Variants in TASP1 observed in about 807,000 individuals in gnomAD.
The protein encoded by TASP1 is threonine aspartase 1.
TASP1 carries 16 observed loss-of-function variants against 56.6 expected under a neutral mutation model. The ratio of observed to expected loss-of-function variants is 0.28; its 90% CI spans 0.19 to 0.43. The LOEUF is 0.43. TASP1 is among the 20% of genes least tolerant of loss of function. The pLI is 1.00. For missense variants in TASP1, 393 were observed against 511.6 expected, an observed-to-expected ratio of 0.77 and a Z score of 2.24; for synonymous variants, 179 against 184.2, an observed-to-expected ratio of 0.97 and a Z score of 0.23.
chr20:13,389,290 T>C (rs908937071), downstream of TASP1: 8 of 152,334 alleles, frequency 5.3e-5, no homozygotes, highest in South Asian at 1.0e-3. Flanking sequence ...CTTCTTTAAC[T>C]GCGTAACACT....
At chr20:13,159,735 C>T in the TASP1 span, among the ~76,000 whole-genome samples, 1 of 152,100 alleles carries the variant, frequency 6.6e-6, no homozygotes, top group African/African-American at 2.4e-5. Context: ...GTGTCAAAGA[C>T]TCAATATCCA....
intron 11 of TASP1, among the ~76,000 whole-genome samples, chr20:13,448,112 A>T (rs572850962): frequency 6.6e-6 from 1 of 152,286 alleles, no homozygotes; most frequent in Admixed American, 6.5e-5. Flanking sequence ...TACAATTTTT[A>T]ATTTTAGAAC....
the TASP1 span, among the ~76,000 whole-genome samples, chr20:13,301,031 A>G: frequency 6.6e-6 from 1 of 152,228 alleles, no homozygotes; most frequent in Non-Finnish European, 1.5e-5. Context: ...CTCAGAAAAC[A>G]TAAAGACATT....
the TASP1 span, among the ~76,000 whole-genome samples, chr20:13,259,035 C>G: frequency 6.6e-6 from 1 of 152,144 alleles, no homozygotes; most frequent in African/African-American, 2.4e-5. Context: ...GTAATCCCAA[C>G]ACTTTGGGAG....
the TASP1 span, chr20:13,167,449 T>G: frequency 4.6e-5 from 7 of 152,194 alleles, no homozygotes; most frequent in African/African-American, 1.7e-4. Context: ...CTGTTCACAT[T>G]TACACACATG....
chr20:13,577,691 A>G (rs867235500), intron 6 of TASP1, among the ~76,000 whole-genome samples: 1 of 152,332 alleles, frequency 6.6e-6, no homozygotes, highest in South Asian at 2.1e-4. Context: ...AACGCTCACC[A>G]GAAACCAAAC....
chr20:13,271,064 A>G, the TASP1 span, among the ~76,000 whole-genome samples: 7 of 152,242 alleles, frequency 4.6e-5, no homozygotes, highest in Non-Finnish European at 7.3e-5. Flanking sequence ...AAATAGTCTG[A>G]AATATAAAAA....
intron 11 of TASP1, among the ~76,000 whole-genome samples, chr20:13,454,161 G>A (rs896787956): frequency 2.6e-5 from 4 of 152,068 alleles, no homozygotes; most frequent in South Asian, 2.1e-4. Flanking sequence ...CCATGAAGTA[G>A]TGTCTGCATT....
chr20:13,374,046 T>C, the TASP1 span, among the ~76,000 whole-genome samples: 1 of 152,220 alleles, frequency 6.6e-6, no homozygotes, highest in Non-Finnish European at 1.5e-5. Flanking sequence ...ATAAAGTTGT[T>C]TAGTTCAGTT....
chr20:13,548,108 AAGAC>A (rs1451651594), intron 8 of TASP1, among the ~76,000 whole-genome samples: 63 of 152,280 alleles, frequency 4.1e-4, no homozygotes, highest in African/African-American at 1.5e-3. Flanking sequence ...AAAGATTGGA[AAGAC>A]AGACAGCCAT....
intron 6 of TASP1, among the ~76,000 whole-genome samples, chr20:13,574,725 G>A (rs2046838829): frequency 1.3e-5 from 2 of 152,216 alleles, no homozygotes; most frequent in South Asian, 4.1e-4. Context: ...CAGGTAATTA[G>A]ACATTAAGTG....
At chr20:13,175,089 C>A in the TASP1 span, among the ~76,000 whole-genome samples, 1 of 152,168 alleles carries the variant, frequency 6.6e-6, no homozygotes, top group Non-Finnish European at 1.5e-5. Context: ...TATACTCTTT[C>A]CTTTATAAAT....
intron 11 of TASP1, among the ~76,000 whole-genome samples, chr20:13,455,451 C>G (rs563119629): frequency 1.3e-5 from 2 of 152,100 alleles, no homozygotes; most frequent in African/African-American, 2.4e-5. Context: ...TTGAAAAGAG[C>G]CCCTCTCATA....
At chr20:13,439,486 T>C (rs917543547) in intron 11 of TASP1, among the ~76,000 whole-genome samples, 2 of 151,836 alleles carry the variant, frequency 1.3e-5, no homozygotes, top group African/African-American at 4.8e-5. Flanking sequence ...AAGGGGAACA[T>C]CACACACCGG....
At chr20:13,199,353 C>A in the TASP1 span, among the ~76,000 whole-genome samples, 1 of 151,822 alleles carries the variant, frequency 6.6e-6, no homozygotes, top group Admixed American at 6.6e-5. Flanking sequence ...GCCTGTCTTC[C>A]TCCCTTCCTT....
the TASP1 span, among the ~76,000 whole-genome samples, chr20:13,179,899 C>T: frequency 6.6e-6 from 1 of 152,158 alleles, no homozygotes; most frequent in Non-Finnish European, 1.5e-5. Flanking sequence ...TAGGATGAAT[C>T]TGTTGATTTC....
the TASP1 span, chr20:13,239,432 T>C: frequency 6.6e-6 from 1 of 152,240 alleles, no homozygotes; most frequent in African/African-American, 2.4e-5. Flanking sequence ...CTCCCTGAGA[T>C]CTGAGAAGGG....
At chr20:13,536,212 T>C (rs2045411764) in intron 8 of TASP1, among the ~76,000 whole-genome samples, 1 of 152,134 alleles carries the variant, frequency 6.6e-6, no homozygotes, top group African/African-American at 2.4e-5. Context: ...CAAGACTGTA[T>C]ATCTAACAAT....
At chr20:13,242,541 G>A in the TASP1 span, among the ~76,000 whole-genome samples, 1 of 152,248 alleles carries the variant, frequency 6.6e-6, no homozygotes. Flanking sequence ...AGGTGAAGGA[G>A]GACAGGCTGA....
Sources: gnomAD v4.1 joint callset for allele counts (sites outside exome capture counted in the v4.1 genomes callset) on GRCh38, gnomAD v4.1.1 for gene constraint, MANE v1.5 for transcripts, NCBI Gene and HGNC (gene_info 2026-07-23, HGNC 2026-07-21) for gene names.